The following RCAN1 variants were observed in gnomAD, a reference collection of about 807,000 sequenced individuals.
RCAN1 encodes regulator of calcineurin 1.
A neutral mutation model predicts 22.9 loss-of-function variants in RCAN1; 11 were observed. The ratio of observed to expected loss-of-function variants is 0.48; its 90% CI spans 0.30 to 0.79. RCAN1 has a LOEUF of 0.79. Among genes scored for constraint, RCAN1 ranks in the 30% least tolerant of loss-of-function variants. The pLI is 0.06. For missense variants in RCAN1, 291 were observed against 337.8 expected (o/e 0.86, Z 1.09); for synonymous variants, 136 against 142.3 (o/e 0.96, Z 0.32).
chr21:34,595,858 G>A (rs960114987), intron 1 of RCAN1, among the ~76,000 whole-genome samples: 2 of 152,236 alleles, frequency 1.3e-5, no homozygotes, highest in Admixed American at 6.5e-5. Flanking sequence ...ACCACCCCCC[G>A]GCAGGGGTGG....
intron 1 of RCAN1, among the ~76,000 whole-genome samples, chr21:34,543,166 T>A (rs1985993340): frequency 1.3e-5 from 2 of 152,262 alleles, no homozygotes; most frequent in Non-Finnish European, 2.9e-5. Context: ...TGAGCTGGGC[T>A]GAATGACAGC....
At chr21:34,606,175 C>T (rs1988520280) in intron 1 of RCAN1, among the ~76,000 whole-genome samples, 1 of 152,092 alleles carries the variant, frequency 6.6e-6, no homozygotes, top group South Asian at 2.1e-4. Flanking sequence ...TGGGAGAGAA[C>T]AATGAACAGT....
chr21:34,533,408 A>T (rs1398797969), intron 1 of RCAN1, among the ~76,000 whole-genome samples: 1 of 152,174 alleles, frequency 6.6e-6, no homozygotes, highest in African/African-American at 2.4e-5. Flanking sequence ...AAAAGCAATT[A>T]TGATTTTATT....
intron 1 of RCAN1, among the ~76,000 whole-genome samples, chr21:34,582,809 C>T (rs1257904541): frequency 6.6e-6 from 1 of 152,150 alleles, no homozygotes; most frequent in Non-Finnish European, 1.5e-5. Flanking sequence ...CGCGATAACA[C>T]AGGCAGGGGA....
rs533988083 is a variant in RCAN1 at position 34,566,951 on chromosome 21, C to G, written c.253-43241G>C. 7.9e-5 allele frequency among the ~76,000 whole-genome samples: 12 copies of G among 152,150 alleles called. No homozygotes were observed. In the South Asian group the frequency reaches 1.7e-3, roughly 21 times the overall value. ...ACCCAGCCGTTCATGAGGGATCTAC[C>G]CCCTTGACCCAAACATCTCCCACCA... On this transcript the variant is annotated intron_variant, in intron 1 of 3. Transcript: ENST00000313806.
At chr21:34,522,386 G>C (rs746718391) in intron 2 of RCAN1, 1 of 152,108 alleles carries the variant, frequency 6.6e-6, no homozygotes, top group Non-Finnish European at 1.5e-5. Context: ...CAATGAATAT[G>C]CATTGTTTTA....
At chr21:34,575,923 T>C (rs1987400026) in intron 1 of RCAN1, among the ~76,000 whole-genome samples, 1 of 152,074 alleles carries the variant, frequency 6.6e-6, no homozygotes, top group South Asian at 2.1e-4. Context: ...ACTCAAAGAA[T>C]TTGGACAGGC....
At chr21:34,601,828 A>AG (rs1282396741) in intron 1 of RCAN1, among the ~76,000 whole-genome samples, 1 of 151,564 alleles carries the variant, frequency 6.6e-6, no homozygotes, top group East Asian at 1.9e-4. Flanking sequence ...AAAAAAAAAA[A>AG]AAAAAAAAAG....
intron 1 of RCAN1, among the ~76,000 whole-genome samples, chr21:34,545,061 C>T (rs1164500410): frequency 1.3e-5 from 2 of 152,188 alleles, no homozygotes; most frequent in African/African-American, 4.8e-5. Context: ...CCACGTCTCC[C>T]GAGTCCCATG....
intron 1 of RCAN1, among the ~76,000 whole-genome samples, chr21:34,526,280 T>C (rs1245868293): frequency 5.9e-5 from 9 of 152,226 alleles, no homozygotes; most frequent in Non-Finnish European, 1.3e-4. Flanking sequence ...CTTTATAACA[T>C]TTATTTCCTA....
At chr21:34,538,556 C>T (rs575311601) in intron 1 of RCAN1, among the ~76,000 whole-genome samples, 34 of 152,220 alleles carry the variant, frequency 2.2e-4, no homozygotes, top group Admixed American at 1.4e-3. Context: ...GAGGTTCTTG[C>T]GCAGGGGAGG....
intron 1 of RCAN1, among the ~76,000 whole-genome samples, chr21:34,564,762 C>T (rs1305446082): frequency 1.3e-5 from 2 of 152,092 alleles, no homozygotes; most frequent in African/African-American, 4.8e-5. Context: ...CTGGGCTTGA[C>T]CTCTGCTTGT....
At chr21:34,525,366 G>A in intron 1 of RCAN1, 4 of 1,471,010 alleles carry the variant, frequency 2.7e-6, no homozygotes, top group Non-Finnish European at 2.7e-6. Flanking sequence ...GAGGGATCCC[G>A]CAGAGGCACG....
chr21:34,535,434 A>G (rs1985625228), intron 1 of RCAN1, among the ~76,000 whole-genome samples: 1 of 151,036 alleles, frequency 6.6e-6, no homozygotes, highest in African/African-American at 2.4e-5. Context: ...GAAGGTGTTA[A>G]CCAGAATGCC....
intron 1 of RCAN1, among the ~76,000 whole-genome samples, chr21:34,610,931 A>G (rs924323050): frequency 4.4e-4 from 67 of 152,234 alleles, no homozygotes; most frequent in Admixed American, 1.3e-4. Context: ...AGTTTACTCA[A>G]GCGAAAAGAG....
chr21:34,613,913 T>C (rs1416920677), intron 1 of RCAN1: 1 of 1,308,698 alleles, frequency 7.6e-7, no homozygotes, highest in East Asian at 2.7e-5. Flanking sequence ...GCTCTCCTAA[T>C]GGGGCATCTC....
intron 1 of RCAN1, among the ~76,000 whole-genome samples, chr21:34,543,567 T>C (rs1391361583): frequency 6.6e-6 from 1 of 152,200 alleles, no homozygotes. Flanking sequence ...CCACTAAAAT[T>C]GTTTGGTAAT....
At chr21:34,520,210 A>C (rs1984400164) in intron 3 of RCAN1, among the ~76,000 whole-genome samples, 1 of 152,202 alleles carries the variant, frequency 6.6e-6, no homozygotes, top group Non-Finnish European at 1.5e-5. Flanking sequence ...CTTCTCCAAT[A>C]AGCCCTCGGT....
At chr21:34,612,536 T>C (rs2123740812) in intron 1 of RCAN1, among the ~76,000 whole-genome samples, 1 of 152,294 alleles carries the variant, frequency 6.6e-6, no homozygotes, top group East Asian at 1.9e-4. Context: ...ATCCACACTG[T>C]CCCCAGAGCC....
Sources: gnomAD v4.1 joint callset for allele counts (sites outside exome capture counted in the v4.1 genomes callset) on GRCh38, gnomAD v4.1.1 for gene constraint, MANE v1.5 for transcripts, NCBI Gene and HGNC (gene_info 2026-07-23, HGNC 2026-07-21) for gene names.